The following CSRP3 variants were observed in gnomAD, a reference collection of about 807,000 sequenced individuals.
CSRP3 encodes the protein cysteine and glycine rich protein 3, also known as cysteine and glycine-rich protein 3.
Under a neutral mutation model 24.3 loss-of-function variants are expected in CSRP3, and 24 were observed. The ratio of observed to expected loss-of-function variants is 0.99; its 90% CI spans 0.71 to 1.39. The LOEUF is 1.39. Ranked by LOEUF, CSRP3 falls within the 40% of genes most tolerant of loss-of-function variation. The pLI is 0.00. For synonymous variants in CSRP3, 105 were observed against 94.0 expected (o/e 1.12, Z -0.68); for missense variants, 240 against 249.0 (o/e 0.96, Z 0.24).
At chr11:19,197,572 TTTCTTC>T (rs1565055788) in intron 1 of CSRP3, among the ~76,000 whole-genome samples, 12 of 146,548 alleles carry the variant, frequency 8.2e-5, no homozygotes, top group African/African-American at 3.1e-4. Flanking sequence ...TCTTTCTTTC[TTTCTTC>T]TTTCACTACC....
At chr11:19,185,539 C>T (rs561266927) in intron 4 of CSRP3, among the ~76,000 whole-genome samples, 20 of 152,350 alleles carry the variant, frequency 1.3e-4, no homozygotes, top group African/African-American at 4.3e-4. Context: ...TGCACATCTG[C>T]GTGTCTACCA....
chr11:19,192,811 TC>T (rs1043531964), intron 1 of CSRP3, among the ~76,000 whole-genome samples: 40 of 152,288 alleles, frequency 2.6e-4, no homozygotes, highest in Middle Eastern at 3.4e-3. Context: ...GTTTTTTTTT[TC>T]ATCTCAAGTT....
intron 1 of CSRP3, among the ~76,000 whole-genome samples, chr11:19,195,322 A>G (rs1850682960): frequency 6.6e-6 from 1 of 152,090 alleles, no homozygotes; most frequent in Admixed American, 6.6e-5. Context: ...GGACCCTCTC[A>G]TTTATAACCA....
chr11:19,201,469 A>G (rs989986573), intron 1 of CSRP3, among the ~76,000 whole-genome samples: 1 of 152,230 alleles, frequency 6.6e-6, no homozygotes, highest in Non-Finnish European at 1.5e-5. Context: ...GTATCTGTGC[A>G]GTACTTTACA....
chr11:19,192,072 G>A (rs909446010), intron 2 of CSRP3, among the ~76,000 whole-genome samples: 1 of 152,152 alleles, frequency 6.6e-6, no homozygotes, highest in Non-Finnish European at 1.5e-5. Flanking sequence ...GCAGTGACAG[G>A]CTAGCTTGTT....
rs746636933 is a variant in CSRP3 at position 19,188,856 on chromosome 11, GCCTTA to G, written c.113-557_113-553del. On this transcript the variant is annotated intron_variant, in intron 2 of 5. Transcript: ENST00000265968. The stretch of plus-strand genomic sequence containing the variant: ...AGGAGGTGGGGAAGGGGGTAGACCT[GCCTTA>G]TTAACTCCTTAGGCTTCTATTGGCT... 7.2e-5 allele frequency among the ~76,000 whole-genome samples: 11 copies of G among 152,148 alleles called. No individual in the cohort carries two copies. In the South Asian group the frequency reaches 1.5e-3, roughly 20 times the overall value.
intron 1 of CSRP3, among the ~76,000 whole-genome samples, chr11:19,195,045 C>A (rs1019179875): frequency 5.3e-5 from 8 of 151,992 alleles, no homozygotes; most frequent in African/African-American, 1.2e-4. Context: ...GACGGACTGG[C>A]TCCCCACATT....
At chr11:19,197,965 T>C (rs1850769947) in intron 1 of CSRP3, among the ~76,000 whole-genome samples, 1 of 152,136 alleles carries the variant, frequency 6.6e-6, no homozygotes, top group Non-Finnish European at 1.5e-5. Flanking sequence ...ATTATAACAT[T>C]TACTTTACAG....
At chr11:19,182,787 G>T in intron 5 of CSRP3, 41 bp from the exon 6 acceptor site, 2 of 1,385,604 alleles carry the variant, frequency 1.4e-6, no homozygotes, top group Non-Finnish European at 1.0e-6. Flanking sequence ...CAATGCATTG[G>T]TTAGTGCCAT....
At position 19,186,364 on chromosome 11, in the gene CSRP3, G is replaced by T. The variant is rs757074408; in HGVS notation, c.282-16C>A. 11 of 1,614,058 alleles carry T rather than the reference G, an allele frequency of 6.8e-6. No homozygotes were observed. Among genetic ancestry groups the T allele is most frequent in the Non-Finnish European group, 9.3e-6 (11 of 1,180,022 alleles). On this transcript the variant is annotated splice_polypyrimidine_tract_variant and intron_variant, in intron 3 of 5. Coordinates refer to ENST00000265968, the MANE Select transcript of CSRP3 (RefSeq NM_003476.5). ...CTTTGGGGACCTGTTGGAAATAGAC[G>T]AATGAATGAAACGTAGATTTCCCTT... is the stretch of plus-strand genomic sequence containing the variant.
intron 5 of CSRP3, among the ~76,000 whole-genome samples, chr11:19,184,299 G>A (rs2133505989): frequency 6.6e-6 from 1 of 152,264 alleles, no homozygotes; most frequent in East Asian, 1.9e-4. Context: ...CATTGCCTTG[G>A]CCCTAGTGCA....
intron 2 of CSRP3, among the ~76,000 whole-genome samples, chr11:19,191,008 C>T (rs1210952256): frequency 6.6e-6 from 1 of 152,196 alleles, no homozygotes; most frequent in African/African-American, 2.4e-5. Context: ...TTCCTGTTCC[C>T]ACGCAGTTAC....
rs1565050320 is a variant in CSRP3 at position 19,185,040 on chromosome 11, C to G, written c.420G>C (p.Trp140Cys). The change falls in exon 5 of 6, where the codon TGG becomes TGC. Residue 140 changes from tryptophan (W) to cysteine (C), a missense_variant. By Grantham distance (215) the Trp-to-Cys change is radical. Coordinates refer to ENST00000265968, the MANE Select transcript of CSRP3 (RefSeq NM_003476.5). ...TGGCACAGCGGAAACAGGTCTTGTG[C>G]CAAGGCTGAGGGGCACAGAAAAGTT... ...AEKVMGGGKP[W>C]HKTCFRCAIC... 1.2e-6 allele frequency: 2 copies of G among 1,613,830 alleles called. No homozygotes were observed. Among genetic ancestry groups the G allele is most frequent in the Non-Finnish European group, 1.7e-6 (2 of 1,179,680 alleles).
chr11:19,182,775 G>C, intron 5 of CSRP3, 29 bp from the exon 6 acceptor site: 1 of 1,524,272 alleles, frequency 6.6e-7, no homozygotes, highest in Non-Finnish European at 9.1e-7. Context: ...TGAAGGGAGA[G>C]ACAATGCATT....
At chr11:19,201,540 A>G (rs1850842932) in intron 1 of CSRP3, among the ~76,000 whole-genome samples, 1 of 152,256 alleles carries the variant, frequency 6.6e-6, no homozygotes, top group Non-Finnish European at 1.5e-5. Context: ...CAAGCCCCTG[A>G]GGGCAGGAAC....
At chr11:19,190,471 A>G (rs761768091) in intron 2 of CSRP3, among the ~76,000 whole-genome samples, 1 of 152,258 alleles carries the variant, frequency 6.6e-6, no homozygotes, top group Non-Finnish European at 1.5e-5. Context: ...TTTTGGATAT[A>G]TTGAGTTAAA....
At position 19,186,328 on chromosome 11, in the gene CSRP3, G is replaced by A. The variant is rs746707959; in HGVS notation, c.302C>T (p.Ser101Leu). 1.7e-5 allele frequency: 28 copies of A among 1,614,094 alleles called. No individual in the cohort carries two copies. Among genetic ancestry groups the A allele is most frequent in the Non-Finnish European group, 2.3e-5 (27 of 1,180,048 alleles). Residue 101 changes from serine to leucine, a missense_variant, in exon 4 of 6, where the codon TCA becomes TTA. Physicochemically the swap from Ser to Leu is moderately radical, Grantham distance 145. Transcript: ENST00000265968. ...TTTGGAAGGGTTGCTGGTGGTAACT[G>A]AGCGTGCCGGCTTTGGGGACCTGTT... is the stretch of plus-strand genomic sequence containing the variant. ...QFQQSPKPAR[S>L]VTTSNPSKFT...
At chr11:19,198,426 A>G (rs1253842348) in intron 1 of CSRP3, among the ~76,000 whole-genome samples, 1 of 152,248 alleles carries the variant, frequency 6.6e-6, no homozygotes, top group Non-Finnish European at 1.5e-5. Context: ...AACTGAATTC[A>G]TTCACTGAAA....
intron 2 of CSRP3, 41 bp from the exon 3 acceptor site, chr11:19,188,345 C>T (rs45489600): frequency 1.3e-5 from 21 of 1,606,080 alleles, no homozygotes; most frequent in Non-Finnish European, 1.8e-5. Context: ...GAATTGAAAT[C>T]CTTCTCCCCT....
Sources: gnomAD v4.1 joint callset for allele counts (sites outside exome capture counted in the v4.1 genomes callset) on GRCh38, gnomAD v4.1.1 for gene constraint, MANE v1.5 for transcripts, NCBI Gene and HGNC (gene_info 2026-07-23, HGNC 2026-07-21) for gene names.